TNR: variants seen among roughly 807,000 people sequenced by gnomAD.
The protein encoded by TNR is tenascin R.
In TNR, 45 loss-of-function variants were observed where a neutral mutation model predicts 150.4. The observed-to-expected ratio is 0.30, with a 90% CI of 0.24 to 0.38. The LOEUF is 0.38. Among genes scored for constraint, TNR ranks in the 10% least tolerant of loss-of-function variants. The pLI is 1.00. For missense variants in TNR, 1,544 were observed against 1,759.1 expected, an observed-to-expected ratio of 0.88 and a Z score of 2.19; for synonymous variants, 687 against 678.4, an observed-to-expected ratio of 1.01 and a Z score of -0.20.
intron 1 of TNR, among the ~76,000 whole-genome samples, chr1:175,586,266 G>T (rs956045889): frequency 1.3e-5 from 2 of 152,156 alleles, no homozygotes; most frequent in Admixed American, 6.5e-5. Context: ...GATGCCAGGT[G>T]CTCCAAACAT....
rs1666789478 is a variant in TNR at position 175,704,432 on chromosome 1, A to G, written c.-165+38794T>C. On this transcript the variant is annotated intron_variant, in intron 1 of 22. Coordinates refer to ENST00000367674, the MANE Select transcript of TNR (RefSeq NM_003285.3). Reference sequence around the variant, plus strand: ...AGAAAGAGGCATTGGGGAATGGGGCATCTGCCTAGAGAAGGATAGTCTGGA... The same window carrying G: ...AGAAAGAGGCATTGGGGAATGGGGCGTCTGCCTAGAGAAGGATAGTCTGGA... 2.6e-5 allele frequency among the ~76,000 whole-genome samples: 4 copies of G among 152,228 alleles called. No homozygotes were observed. In the South Asian group the frequency reaches 8.3e-4, roughly 31 times the overall value.
rs889223188 is a variant in TNR, at chr1:175,599,418, C to T, written c.-164-71049G>A. On this transcript the variant is annotated intron_variant, in intron 1 of 22. Coordinates refer to ENST00000367674, the MANE Select transcript of TNR (RefSeq NM_003285.3). This position sits in a 1 kb window ranked among gnomAD's most constrained non-coding sequence, Gnocchi z 4.7. ...CCCGGCGGAGCTGTGTTCGTGTTGTCATGGCGACGGAAGCAGACCATTAGA... is the reference window on the plus strand; with the variant it reads ...CCCGGCGGAGCTGTGTTCGTGTTGTTATGGCGACGGAAGCAGACCATTAGA... 6.6e-6 allele frequency among the ~76,000 whole-genome samples: 1 copy of T among 152,254 alleles called. No homozygotes were observed. The highest frequency in any genetic ancestry group is 2.4e-5 in the African/African-American group (1 of 41,470).
At chr1:175,416,932 C>T (rs541653495) in intron 2 of TNR, among the ~76,000 whole-genome samples, 9 of 151,934 alleles carry the variant, frequency 5.9e-5, no homozygotes, top group East Asian at 5.8e-4. Flanking sequence ...GGCGTGAACC[C>T]GGGAGGCGGA....
At chr1:175,732,099 G>A (rs896309190) in intron 1 of TNR, among the ~76,000 whole-genome samples, 1 of 152,162 alleles carries the variant, frequency 6.6e-6, no homozygotes, top group Admixed American at 6.5e-5. Context: ...GAATCTTCTG[G>A]AGGCTCTGGC....
chr1:175,544,988 A>G (rs1660631632), intron 1 of TNR, among the ~76,000 whole-genome samples: 2 of 152,152 alleles, frequency 1.3e-5, no homozygotes, highest in South Asian at 2.1e-4. Context: ...AAGATCACCT[A>G]TTCCTTCATC....
intron 2 of TNR, among the ~76,000 whole-genome samples, chr1:175,454,483 T>C (rs1036208208): frequency 2.0e-5 from 3 of 151,994 alleles, no homozygotes; most frequent in Non-Finnish European, 4.4e-5. Flanking sequence ...CATTTATTTA[T>C]TTTTTGAGAC....
At chr1:175,690,750 T>C (rs1330600323) in intron 1 of TNR, among the ~76,000 whole-genome samples, 1 of 152,082 alleles carries the variant, frequency 6.6e-6, no homozygotes, top group Non-Finnish European at 1.5e-5. Flanking sequence ...CGCAGAGAAG[T>C]ATTGGAGTAG....
At chr1:175,485,345 G>T (rs929335848) in intron 2 of TNR, among the ~76,000 whole-genome samples, 1 of 152,170 alleles carries the variant, frequency 6.6e-6, no homozygotes, top group East Asian at 1.9e-4. Flanking sequence ...AAGTAGCAAA[G>T]AATGCATTTT....
chr1:175,519,377 C>T (rs1375276518), intron 2 of TNR, among the ~76,000 whole-genome samples: 3 of 152,170 alleles, frequency 2.0e-5, no homozygotes, highest in South Asian at 4.1e-4. Context: ...GACCTCATTT[C>T]CTTCCAAGAG....
intron 2 of TNR, among the ~76,000 whole-genome samples, chr1:175,483,238 G>A (rs952448954): frequency 1.3e-5 from 2 of 152,202 alleles, no homozygotes; most frequent in Non-Finnish European, 2.9e-5. Flanking sequence ...ACTGCTATGA[G>A]AGAGGTGCAG....
At chr1:175,391,219 G>T (rs746557232) in intron 7 of TNR, 69 bp downstream of exon 7, 2 of 1,571,522 alleles carry the variant, frequency 1.3e-6, no homozygotes, top group Non-Finnish European at 1.7e-6. Context: ...CCACTCCTTG[G>T]GCAATTCTGT....
intron 1 of TNR, among the ~76,000 whole-genome samples, chr1:175,651,286 C>T (rs1222096278): frequency 6.6e-6 from 1 of 151,132 alleles, no homozygotes; most frequent in Non-Finnish European, 1.5e-5. Flanking sequence ...TCAAGAGACA[C>T]AGCTATGGGA....
chr1:175,470,049 A>G (rs762537287), intron 2 of TNR, among the ~76,000 whole-genome samples: 1 of 152,168 alleles, frequency 6.6e-6, no homozygotes, highest in Non-Finnish European at 1.5e-5. Context: ...CATGGTTGGT[A>G]TAATCCACTG....
At chr1:175,511,687 A>G (rs973204247) in intron 2 of TNR, among the ~76,000 whole-genome samples, 1 of 152,180 alleles carries the variant, frequency 6.6e-6, no homozygotes, top group Non-Finnish European at 1.5e-5. Context: ...CCCTGCCTGA[A>G]AGGGAAGTTA....
chr1:175,482,976 T>C (rs1657868660), intron 2 of TNR, among the ~76,000 whole-genome samples: 1 of 152,230 alleles, frequency 6.6e-6, no homozygotes, highest in Non-Finnish European at 1.5e-5. Flanking sequence ...GTGTGTCTTG[T>C]ATGAAATGGG....
At chr1:175,426,745 T>C (rs1349326191) in intron 2 of TNR, among the ~76,000 whole-genome samples, 1 of 146,964 alleles carries the variant, frequency 6.8e-6, no homozygotes, top group Non-Finnish European at 1.5e-5. Context: ...TGTGTGTTTA[T>C]ATCTATACAC....
At chr1:175,720,519 A>C (rs1465129775) in intron 1 of TNR, among the ~76,000 whole-genome samples, 1 of 152,234 alleles carries the variant, frequency 6.6e-6, no homozygotes, top group East Asian at 1.9e-4. Context: ...CAAGACGGGA[A>C]CTGTGCTTGG....
chr1:175,650,474 T>G (rs1472517138), intron 1 of TNR, among the ~76,000 whole-genome samples: 1 of 151,880 alleles, frequency 6.6e-6, no homozygotes, highest in African/African-American at 2.4e-5. Flanking sequence ...TGATGAGACT[T>G]CAATGCCTGT....
At chr1:175,611,072 C>T (rs894735970) in intron 1 of TNR, among the ~76,000 whole-genome samples, 1 of 152,154 alleles carries the variant, frequency 6.6e-6, no homozygotes, top group African/African-American at 2.4e-5. Context: ...GTGAAAAATT[C>T]TTTCCTCCCC....
Sources: allele counts gnomAD v4.1 joint callset (sites outside exome capture counted in the v4.1 genomes callset), GRCh38; gene constraint gnomAD v4.1.1; non-coding constraint Gnocchi (gnomAD v3.1); transcripts MANE v1.5; gene names NCBI Gene and HGNC (gene_info 2026-07-23, HGNC 2026-07-21).